MANSC1: variants seen among roughly 807,000 people sequenced by gnomAD.
MANSC1 encodes MANSC domain-containing protein 1.
Under a neutral mutation model 14.1 loss-of-function variants are expected in MANSC1, and 13 were observed. That is an observed-to-expected ratio of 0.92 (90% CI 0.60 to 1.46). The LOEUF is 1.46. MANSC1 is among the 40% of genes most tolerant of loss of function. The pLI is 0.00. For synonymous variants in MANSC1, 227 were observed against 200.7 expected (o/e 1.13, Z -1.11); for missense variants, 486 against 511.4 (o/e 0.95, Z 0.48).
In MANSC1 at chr12:12,330,822, T is replaced by C; in HGVS notation, c.501A>G (p.Ser167=). The change falls in exon 4 of 4, where the codon TCA becomes TCG. Residue 167 remains serine, a synonymous_variant. Coordinates refer to ENST00000535902, the MANE Select transcript of MANSC1 (RefSeq NM_018050.4). ...HTDYSKPTDI[S]WRDTLSQKFG... ...ACTTCTGAGAAAGTGTGTCTCTCCA[T>C]GAGATATCGGTGGGCTTTGAATAAT... 1 of 1,599,854 alleles carries C rather than the reference T, an allele frequency of 6.3e-7. No individual in the cohort carries two copies. Among genetic ancestry groups the C allele is most frequent in the Non-Finnish European group, 8.6e-7 (1 of 1,167,066 alleles).
rs759256798 is a variant in MANSC1 at position 12,330,615 on chromosome 12, A to C, written c.708T>G (p.His236Gln). The C allele has an allele frequency of 6.8e-6, 11 of 1,614,062 alleles. No homozygotes were observed. In the South Asian group the frequency reaches 1.2e-4, roughly 18 times the overall value. Residue 236 changes from histidine to glutamine, a missense_variant, in exon 4 of 4, where the codon CAT (histidine) becomes CAG (glutamine). His to Gln is a conservative substitution (Grantham distance 24). Coordinates refer to ENST00000535902, the MANE Select transcript of MANSC1 (RefSeq NM_018050.4). Reference protein sequence around the residue: ...LPATVAVASPHTTSATPKPAT... With the variant: ...LPATVAVASPQTTSATPKPAT... The stretch of plus-strand genomic sequence containing the variant: ...CGGGCTTTGGAGTAGCCGAGGTGGT[A>C]TGTGGAGAAGCAACTGCCACCGTAG...
chr12:12,338,890 A>AACACACACACACACACACAC lies in MANSC1; in HGVS notation c.224-350_224-331dup, dbSNP rs56183211. On this transcript the variant is annotated intron_variant, in intron 2 of 3. Transcript: ENST00000535902. ...AGGCATCCACAACCACACACACACA[A>AACACACACACACACACACAC]ACACACACACACACACACACACACA... is the stretch of plus-strand genomic sequence containing the variant. The AACACACACACACACACACAC allele has an allele frequency of 7.3e-3, 1,409 of 192,946 alleles. 12 individuals carry two copies. Among genetic ancestry groups the AACACACACACACACACACAC allele is most frequent in the African/African-American group, 0.014 (573 of 40,194 alleles). The allele number at this position is 192,946 out of a possible 1,614,324, so 12.0% of individuals were successfully genotyped here.
intron 2 of MANSC1, among the ~76,000 whole-genome samples, chr12:12,342,135 G>A (rs1592035520): frequency 6.6e-6 from 1 of 152,212 alleles, no homozygotes; most frequent in East Asian, 1.9e-4. Context: ...AGAGAACAGG[G>A]TCTTGCTATG....
intron 2 of MANSC1, among the ~76,000 whole-genome samples, chr12:12,340,805 G>A (rs1398657651): frequency 6.6e-6 from 1 of 152,118 alleles, no homozygotes; most frequent in Non-Finnish European, 1.5e-5. Flanking sequence ...CCTGCTTGCA[G>A]GTGATGTTTC....
chr12:12,331,138 T>C (rs1474986395), intron 3 of MANSC1, among the ~76,000 whole-genome samples, 180 bp from the exon 4 acceptor site: 1 of 152,216 alleles, frequency 6.6e-6, no homozygotes, highest in African/African-American at 2.4e-5. Flanking sequence ...GGCCAGGAGT[T>C]GGAGACCAGC....
chr12:12,329,964 CA>C lies in MANSC1; in HGVS notation c.*62del. 7.2e-7 allele frequency: 1 copy of C among 1,396,824 alleles called. No individual in the cohort carries two copies. The highest frequency in any genetic ancestry group is 1.3e-5 in the South Asian group (1 of 76,532). 86.5% of individuals were successfully genotyped at this position (1,396,824 alleles called of 1,614,324 possible). ...CCTCCTGCTAAGACTAGCAAGTCAG[CA>C]GAAACTCATTGCATTTGGGCTTCTG... On this transcript the variant is annotated 3_prime_UTR_variant, in exon 4 of 4. Coordinates refer to ENST00000535902, the MANE Select transcript of MANSC1 (RefSeq NM_018050.4).
At chr12:12,332,902 T>A (rs899689341) in intron 3 of MANSC1, among the ~76,000 whole-genome samples, 5 of 152,150 alleles carry the variant, frequency 3.3e-5, no homozygotes, top group African/African-American at 1.2e-4. Context: ...AATTCAAATT[T>A]CTGTATTTCA....
Position 12,330,484 on chromosome 12 carries a change from G to GA in MANSC1, c.838_839insT (p.Thr280IlefsTer58), listed in dbSNP as rs746453660. On this transcript the variant is annotated frameshift_variant, in exon 4 of 4. Coordinates refer to ENST00000535902, the MANE Select transcript of MANSC1 (RefSeq NM_018050.4). LOFTEE classifies it low-confidence loss of function (END_TRUNC). ...TGTAAAAACTGTAGAAATGAGGGTC[G>GA]TGGGAGGCTGAGAAGTGACAGTGGT... is the stretch of plus-strand genomic sequence containing the variant. 634 of 1,614,060 alleles carry GA rather than the reference G, an allele frequency of 3.9e-4. No individual in the cohort carries two copies. The highest frequency in any genetic ancestry group is 5.1e-4 in the Non-Finnish European group (596 of 1,180,042).
At chr12:12,340,149 A>T (rs1565801357) in intron 2 of MANSC1, among the ~76,000 whole-genome samples, 1 of 152,182 alleles carries the variant, frequency 6.6e-6, no homozygotes, top group East Asian at 1.9e-4. Context: ...GTCCAACAGA[A>T]ATTAAACCCT....
rs770403439 is a variant in MANSC1 at position 12,343,337 on chromosome 12, G to T, written c.-23C>A. The T allele has an allele frequency of 1.9e-6, 3 of 1,551,262 alleles. No homozygotes were observed. The highest frequency in any genetic ancestry group is 2.7e-5 in the African/African-American group (2 of 73,610). Reference sequence around the variant, plus strand: ...CATTTTAAATTTCAGTTTAGTTTTGGTCTTCAAAGGTCAAGGATAATCCTC... The same window carrying T: ...CATTTTAAATTTCAGTTTAGTTTTGTTCTTCAAAGGTCAAGGATAATCCTC... On this transcript the variant is annotated 5_prime_UTR_variant, in exon 2 of 4. Coordinates refer to ENST00000535902, the MANE Select transcript of MANSC1 (RefSeq NM_018050.4).
At chr12:12,344,247 G>A (rs374602565) in intron 1 of MANSC1, among the ~76,000 whole-genome samples, 5 of 151,600 alleles carry the variant, frequency 3.3e-5, no homozygotes, top group Non-Finnish European at 5.9e-5. Flanking sequence ...AACTGTAATG[G>A]CTAATACTGA....
Position 12,338,556 on chromosome 12 carries a change from G to A in MANSC1, c.228C>T (p.Asp76=), listed in dbSNP as rs768814808. The A allele has an allele frequency of 6.2e-7, 1 of 1,610,776 alleles. No homozygotes were observed. Among genetic ancestry groups the A allele is most frequent in the African/African-American group, 1.3e-5 (1 of 74,712 alleles). Residue 76 remains aspartate, a synonymous_variant, in exon 3 of 4, where the codon GAC becomes GAT. Transcript: ENST00000535902. ...SCCSTKNISG[D]KACNLMIFDT... is the part of the protein sequence containing the mutation. ...CGAAGATCATCAAGTTACATGCTTT[G>A]TCCCCTGCAATGAAAGGTTTCATAA...
chr12:12,339,958 G>A (rs769624082), intron 2 of MANSC1, among the ~76,000 whole-genome samples: 4 of 152,050 alleles, frequency 2.6e-5, no homozygotes, highest in African/African-American at 4.8e-5. Context: ...GACTTCAAGC[G>A]TGCACCACCA....
intron 3 of MANSC1, among the ~76,000 whole-genome samples, chr12:12,331,698 G>A (rs139478667): frequency 7.0e-4 from 106 of 152,254 alleles, no homozygotes; most frequent in Non-Finnish European, 1.1e-3. Context: ...TCCCTGTGGT[G>A]TGTCTCTGAC....
intron 3 of MANSC1, among the ~76,000 whole-genome samples, chr12:12,334,236 G>A (rs922181400): frequency 1.3e-5 from 2 of 151,058 alleles, no homozygotes; most frequent in African/African-American, 4.9e-5. Flanking sequence ...CCATGATCGC[G>A]CCACTGCACT....
Position 12,326,206 on chromosome 12 carries a change from C to G in MANSC1, c.*3821G>C, listed in dbSNP as rs547906699. ...CGCTCAGTGTGGCAGTGCCTTCTCC[C>G]CTCATCATGGCAGGGAGGCCACCAC... On this transcript the variant is annotated 3_prime_UTR_variant, in exon 4 of 4. Transcript: ENST00000535902. The G allele has an allele frequency of 6.6e-6, 1 of 152,190 alleles. No homozygotes were observed. The highest frequency in any genetic ancestry group is 6.5e-5 in the Admixed American group (1 of 15,278). 9.4% of individuals were successfully genotyped at this position (152,190 alleles called of 1,614,324 possible).
intron 3 of MANSC1, among the ~76,000 whole-genome samples, chr12:12,335,829 T>G: frequency 2.0e-5 from 3 of 146,872 alleles, no homozygotes; most frequent in African/African-American, 5.0e-5. Context: ...GTGAAAAGAG[T>G]GAGACTCCAT....
intron 3 of MANSC1, among the ~76,000 whole-genome samples, chr12:12,333,081 C>T (rs1862813634): frequency 6.6e-6 from 1 of 150,888 alleles, no homozygotes; most frequent in African/African-American, 2.5e-5. Flanking sequence ...GGGTCTTGCT[C>T]TGTCACCCAG....
In MANSC1 at chr12:12,330,249, T is replaced by C. The variant is rs756876610; in HGVS notation, c.1074A>G (p.Glu358=). Residue 358 remains glutamate (E), a synonymous_variant, in exon 4 of 4, where the codon GAA becomes GAG. Coordinates refer to ENST00000535902, the MANE Select transcript of MANSC1 (RefSeq NM_018050.4). The stretch of plus-strand genomic sequence containing the variant: ...AACTGCCTGGACTGGCCTCCCTACC[T>C]TCCCAGGAAGCAGTTTTATTCATAG... ...SSTMNKTASW[E]GREASPGSSS... is the part of the protein sequence containing the mutation. The C allele has an allele frequency of 6.2e-7, 1 of 1,614,186 alleles. No individual in the cohort carries two copies. The highest frequency in any genetic ancestry group is 2.2e-5 in the East Asian group (1 of 44,884).
Sources: allele counts gnomAD v4.1 joint callset (sites outside exome capture counted in the v4.1 genomes callset), GRCh38; gene constraint gnomAD v4.1.1; transcripts MANE v1.5; gene names NCBI Gene and HGNC (gene_info 2026-07-23, HGNC 2026-07-21).